Variants in LIMS1 observed in about 807,000 individuals in gnomAD.
LIMS1 encodes the protein LIM zinc finger domain containing 1.
In LIMS1, 18 loss-of-function variants were observed where a neutral mutation model predicts 44.1. The observed-to-expected ratio is 0.41, with a 90% confidence interval of 0.28 to 0.61. The LOEUF is 0.61. Among genes scored for constraint, LIMS1 ranks in the 20% least tolerant of loss-of-function variants. LIMS1 has a pLI of 0.32. For synonymous variants in LIMS1, 93 were observed against 149.1 expected, an observed-to-expected ratio of 0.62 and a Z score of 2.74; for missense variants, 201 against 422.0, an observed-to-expected ratio of 0.48 and a Z score of 4.59.
intron 1 of LIMS1, among the ~76,000 whole-genome samples, chr2:108,646,368 T>C (rs1171951756): frequency 6.6e-6 from 1 of 152,130 alleles, no homozygotes; most frequent in Admixed American, 6.5e-5. Flanking sequence ...AACAACCTGC[T>C]CCTGAATGAC....
At chr2:108,623,380 A>G (rs965055691) in intron 1 of LIMS1, among the ~76,000 whole-genome samples, 4 of 152,176 alleles carry the variant, frequency 2.6e-5, no homozygotes, top group African/African-American at 4.8e-5. Flanking sequence ...GACAAGTTAT[A>G]TAATTTTTTT....
At chr2:108,685,345 G>A (rs1342884833) in exon 10 of LIMS1, 1 of 152,082 alleles carries the variant, frequency 6.6e-6, no homozygotes, top group African/African-American at 2.4e-5. Context: ...AATGGAAAGC[G>A]AGCTTTATGA....
chr2:108,654,941 G>C, intron 1 of LIMS1: 2 of 1,516,392 alleles, frequency 1.3e-6, no homozygotes, highest in Non-Finnish European at 1.8e-6. Flanking sequence ...TAGTGACCCT[G>C]GCGGGCCAGG....
In LIMS1 at chr2:108,547,176, G is replaced by A. The variant is rs527841070; in HGVS notation, c.32+12582G>A. The stretch of plus-strand genomic sequence containing the variant: ...TGTGCTTCCACACTTACTGATAGTG[G>A]TGTTAAACTTTTCAGTTGCTGGGAA... On this transcript the variant is annotated intron_variant, in intron 1 of 9. Transcript: ENST00000544547. 2.2e-4 allele frequency among the ~76,000 whole-genome samples: 34 copies of A among 152,318 alleles called. No homozygotes were observed. In the South Asian group the frequency reaches 3.3e-3, roughly 15 times the overall value.
At chr2:108,610,056 T>A (rs962371420) in intron 1 of LIMS1, among the ~76,000 whole-genome samples, 1 of 151,688 alleles carries the variant, frequency 6.6e-6, no homozygotes, top group Admixed American at 6.6e-5. Context: ...GGCAGGAGAA[T>A]GGCGTGAACC....
chr2:108,679,477 G>A (rs1369376613), intron 8 of LIMS1, among the ~76,000 whole-genome samples: 3 of 151,444 alleles, frequency 2.0e-5, no homozygotes, highest in Non-Finnish European at 4.4e-5. Flanking sequence ...CAAAAACTTC[G>A]TCTCAAAAAA....
At chr2:108,546,642 G>A (rs1344640480) in intron 1 of LIMS1, among the ~76,000 whole-genome samples, 13 of 150,472 alleles carry the variant, frequency 8.6e-5, no homozygotes, top group Non-Finnish European at 1.6e-4. Flanking sequence ...GAGCCTAGTG[G>A]ATCATTCTCT....
chr2:108,589,385 A>G (rs114820169), intron 1 of LIMS1, among the ~76,000 whole-genome samples: 2,554 of 152,322 alleles, frequency 0.017, 42 homozygotes, highest in African/African-American at 0.035. Flanking sequence ...TATACAATAC[A>G]GTATTATTAA....
At chr2:108,562,491 A>C (rs1344989177) in intron 1 of LIMS1, among the ~76,000 whole-genome samples, 1 of 152,216 alleles carries the variant, frequency 6.6e-6, no homozygotes, top group Non-Finnish European at 1.5e-5. Context: ...TGATACAGGG[A>C]AAGTTTTAGT....
chr2:108,587,487 C>T (rs1273330325), intron 1 of LIMS1, among the ~76,000 whole-genome samples: 1 of 151,966 alleles, frequency 6.6e-6, no homozygotes, highest in Non-Finnish European at 1.5e-5. Context: ...CAAGTGTAAG[C>T]CACTGCACCT....
At chr2:108,657,503 C>T (rs1690968052) in intron 1 of LIMS1, among the ~76,000 whole-genome samples, 1 of 152,406 alleles carries the variant, frequency 6.6e-6, no homozygotes, top group South Asian at 2.1e-4. Flanking sequence ...CTCCTTCATC[C>T]AGGAATACCT....
chr2:108,551,614 A>G (rs1684710840), intron 1 of LIMS1, among the ~76,000 whole-genome samples: 2 of 142,624 alleles, frequency 1.4e-5, no homozygotes. Context: ...ATATGTATAT[A>G]TATGTATATA....
In LIMS1 at chr2:108,579,278, T is replaced by G. The variant is rs1047973909; in HGVS notation, c.32+44684T>G. Among the ~76,000 whole-genome samples, 3 of 152,346 alleles carry G rather than the reference T, an allele frequency of 2.0e-5. No homozygotes were observed. In the South Asian group the frequency reaches 6.2e-4, roughly 32 times the overall value. ...ATTAAAGCTGAATATAAAGAATTTTTATCGAACCAAGATGTCACAGCTCTT... is the reference window on the plus strand; with the variant it reads ...ATTAAAGCTGAATATAAAGAATTTTGATCGAACCAAGATGTCACAGCTCTT... On this transcript the variant is annotated intron_variant, in intron 1 of 9. Transcript: ENST00000544547.
intron 1 of LIMS1, among the ~76,000 whole-genome samples, chr2:108,632,173 T>G (rs1437269539): frequency 2.6e-5 from 4 of 152,076 alleles, no homozygotes; most frequent in Non-Finnish European, 5.9e-5. Flanking sequence ...GGTTTCCCAT[T>G]TTGGCCAGGC....
At chr2:108,671,949 A>G (rs1004958502) in intron 3 of LIMS1, among the ~76,000 whole-genome samples, 22 of 152,096 alleles carry the variant, frequency 1.4e-4, no homozygotes, top group Admixed American at 1.3e-3. Context: ...GGAGGCCAAG[A>G]CGGGCGGATC....
intron 1 of LIMS1, among the ~76,000 whole-genome samples, chr2:108,552,343 A>G: frequency 7.0e-6 from 1 of 142,560 alleles, no homozygotes; most frequent in Non-Finnish European, 1.5e-5. Flanking sequence ...TACGTGTAGT[A>G]TATATATGAA....
chr2:108,628,547 A>G (rs1030120977), intron 1 of LIMS1, among the ~76,000 whole-genome samples: 3 of 152,242 alleles, frequency 2.0e-5, no homozygotes, highest in African/African-American at 7.2e-5. Context: ...GGCTGCAGTG[A>G]GCCTTCGCCT....
chr2:108,578,670 T>C (rs763625219), intron 1 of LIMS1, among the ~76,000 whole-genome samples: 3 of 142,320 alleles, frequency 2.1e-5, no homozygotes, highest in Non-Finnish European at 3.0e-5. Flanking sequence ...CTCAGCTCAC[T>C]GCAAGCTCCA....
intron 1 of LIMS1, among the ~76,000 whole-genome samples, chr2:108,561,765 C>T (rs1264190299): frequency 3.4e-5 from 4 of 118,060 alleles, no homozygotes; most frequent in African/African-American, 6.1e-5. Flanking sequence ...TTTTTTGAGG[C>T]GGAGTCTCAC....
Sources: allele counts gnomAD v4.1 joint callset (sites outside exome capture counted in the v4.1 genomes callset), GRCh38; gene constraint gnomAD v4.1.1; transcripts MANE v1.5; gene names NCBI Gene and HGNC (gene_info 2026-07-23, HGNC 2026-07-21).